The following SPEG variants were observed in gnomAD, a reference collection of about 807,000 sequenced individuals.
SPEG encodes striated muscle enriched protein kinase.
Under a neutral mutation model 300.4 loss-of-function variants are expected in SPEG, and 114 were observed. The observed-to-expected ratio is 0.38, with a 90% CI of 0.33 to 0.44. SPEG has a LOEUF of 0.44. Ranked by LOEUF, SPEG falls within the 20% of genes least tolerant of loss-of-function variation. SPEG has a pLI of 1.00. For synonymous variants in SPEG, 1,964 were observed against 2,018.9 expected, an observed-to-expected ratio of 0.97 and a Z score of 0.73; for missense variants, 4,201 against 4,586.2, an observed-to-expected ratio of 0.92 and a Z score of 2.43.
Position 219,477,116 on chromosome 2 carries a change from G to C in SPEG, c.4560+134G>C. The C allele has an allele frequency of 1.0e-6, 1 of 1,002,962 alleles. No individual in the cohort carries two copies. The highest frequency in any genetic ancestry group is 1.4e-6 in the Non-Finnish European group (1 of 691,658). 62.1% of individuals were successfully genotyped at this position (1,002,962 alleles called of 1,614,324 possible). A position where few individuals can be genotyped will look rare whatever the true frequency, so the allele number is the denominator to read the frequency against. On this transcript the variant is annotated intron_variant, in intron 19 of 40. Transcript: ENST00000312358. The surrounding 1 kb of genome is among the most constrained non-coding windows in gnomAD (Gnocchi z 6.4). ...TAGGAGGAGGAAAGGGGCTGCAGAG[G>C]ACTGACTAGCTGAGGGGTGCAGGGC...
chr2:219,446,094 G>C (rs1029674937), intron 3 of SPEG, among the ~76,000 whole-genome samples: 6 of 151,934 alleles, frequency 3.9e-5, no homozygotes, highest in African/African-American at 1.4e-4. Flanking sequence ...GAAAGAAGGG[G>C]CCTGGTGGGG....
In SPEG at chr2:219,466,756, G is replaced by A; in HGVS notation, c.2882-418G>A. On this transcript the variant is annotated intron_variant, in intron 9 of 40. Transcript: ENST00000312358. ...GGGTGCTCTGTCTGGGAATGAGGGA[G>A]TTAACCAAGTTTGGTGCAGGAGCAG... is the stretch of plus-strand genomic sequence containing the variant. 3 of 1,008,884 alleles carry A rather than the reference G, an allele frequency of 3.0e-6. No homozygotes were observed. The South Asian group carries it at 1.3e-4, about 45-fold the overall frequency. 62.5% of individuals were successfully genotyped at this position (1,008,884 alleles called of 1,614,324 possible).
At position 219,477,678 on chromosome 2, in the gene SPEG, C is replaced by G. The variant is rs1692475041; in HGVS notation, c.4730-11C>G. ...CCCCTCCCACCTAACACCATGACAT[C>G]TCTGCCCCAGCTCAGACAGCTATGG... On this transcript the variant is annotated splice_polypyrimidine_tract_variant and intron_variant, in intron 20 of 40. Transcript: ENST00000312358. The surrounding 1 kb of genome is among the most constrained non-coding windows in gnomAD (Gnocchi z 6.4). The G allele has an allele frequency of 6.4e-7, 1 of 1,559,590 alleles. No homozygotes were observed. Among genetic ancestry groups the G allele is most frequent in the Non-Finnish European group, 8.7e-7 (1 of 1,150,302 alleles).
At position 219,477,384 on chromosome 2, in the gene SPEG, C is replaced by T; in HGVS notation, c.4668C>T (p.Thr1556=). 1 of 1,610,512 alleles carries T rather than the reference C, an allele frequency of 6.2e-7. No homozygotes were observed. Among genetic ancestry groups the T allele is most frequent in the Non-Finnish European group, 8.5e-7 (1 of 1,178,514 alleles). Residue 1556 remains threonine (T), a synonymous_variant, in exon 20 of 41, where the codon ACC becomes ACT. Transcript: ENST00000312358. The surrounding 1 kb of genome is among the most constrained non-coding windows in gnomAD (Gnocchi z 6.4). ...GGGCCCAGGATGGAGGCGTCTACAC[C>T]TGCACCGCCCAGAACCTGGCGGGTG... is the stretch of plus-strand genomic sequence containing the variant. The part of the protein sequence containing the change: ...STGAQDGGVY[T]CTAQNLAGEV...
chr2:219,484,747 C>A lies in SPEG; in HGVS notation c.7284C>A (p.Ala2428=). 6.8e-7 allele frequency: 1 copy of A among 1,468,540 alleles called. No individual in the cohort carries two copies. The highest frequency in any genetic ancestry group is 8.9e-7 in the Non-Finnish European group (1 of 1,121,904). The allele number at this position is 1,468,540 out of a possible 1,614,324, so 91.0% of individuals were successfully genotyped here. Residue 2428 remains alanine (A), a synonymous_variant, in exon 30 of 41, where the codon GCC becomes GCA. Transcript: ENST00000312358. The part of the protein sequence containing the change: ...RRTPPAQRHP[A]WEARGGDGES... ...CCCCTCCCGCGCAGCGCCACCCGGC[C>A]TGGGAGGCCCGCGGCGGGGACGGAG...
intron 6 of SPEG, chr2:219,460,717 G>T: frequency 2.0e-6 from 2 of 985,484 alleles, no homozygotes; most frequent in Non-Finnish European, 2.4e-6. Context: ...GCTGCCTGTG[G>T]TCTCGGCAGG....
intron 1 of SPEG, among the ~76,000 whole-genome samples, chr2:219,438,020 CGGATATGTTAGCTCA>C (rs545271094): frequency 2.2e-4 from 34 of 152,148 alleles, no homozygotes; most frequent in African/African-American, 7.5e-4. Context: ...CTCCTGAAGC[CGGATATGTTAGCTCA>C]AGGATGGAAG....
In SPEG at chr2:219,457,294, G is replaced by A. The variant is rs577519204; in HGVS notation, c.2441-4588G>A. 2.0e-5 allele frequency among the ~76,000 whole-genome samples: 3 copies of A among 152,164 alleles called. No homozygotes were observed. In the South Asian group the frequency reaches 6.2e-4, roughly 32 times the overall value. ...TCAAGAATCATAAGGAGGAAAAACC[G>A]TTTATGGACTGGGTGCCGTGGCTCA... On this transcript the variant is annotated intron_variant, in intron 6 of 40. Transcript: ENST00000312358.
Position 219,485,044 on chromosome 2 carries a change from C to A in SPEG, c.7581C>A (p.Ser2527=). Residue 2527 remains serine, a synonymous_variant, in exon 30 of 41, where the codon TCC becomes TCA. Transcript: ENST00000312358. ...CGCCTTCCGCCGAGTCCCTGGGCTC[C>A]GAGGCCAGCGCCACGTCGGGCTCCT... ...ATTPSAESLG[S]EASATSGSSA... is the part of the protein sequence containing the mutation. 6.5e-7 allele frequency: 1 copy of A among 1,532,504 alleles called. No homozygotes were observed. 94.9% of individuals were successfully genotyped at this position (1,532,504 alleles called of 1,614,324 possible). A position where few individuals can be genotyped will look rare whatever the true frequency, so the allele number is the denominator to read the frequency against.
Position 219,481,246 on chromosome 2 carries a change from A to C in SPEG, c.5370-58A>C. ...CATCTGTCCCCAGCCCTGTGCCCCCACTGACATTCCCCTTTGTCCCCGCCT... is the reference window on the plus strand; with the variant it reads ...CATCTGTCCCCAGCCCTGTGCCCCCCCTGACATTCCCCTTTGTCCCCGCCT... On this transcript the variant is annotated intron_variant, in intron 26 of 40. Transcript: ENST00000312358. This position sits in a 1 kb window ranked among gnomAD's most constrained non-coding sequence, Gnocchi z 5.4. The C allele has an allele frequency of 6.4e-7, 1 of 1,567,188 alleles. No homozygotes were observed.
At chr2:219,492,356 A>G in intron 40 of SPEG, 96 bp downstream of exon 40, 1 of 1,390,028 alleles carries the variant, frequency 7.2e-7, no homozygotes, top group Non-Finnish European at 9.9e-7. Flanking sequence ...TCCTAGGAAG[A>G]AGTCTGCTGC....
chr2:219,447,874 G>A (rs982340276), intron 3 of SPEG, 100 bp from the exon 4 acceptor site: 2 of 1,139,560 alleles, frequency 1.8e-6, no homozygotes, highest in African/African-American at 1.5e-5. Flanking sequence ...TCACCCCCAA[G>A]CCTGCCCAGC....
chr2:219,460,803 C>A (rs1690612960), intron 6 of SPEG: 1 of 986,206 alleles, frequency 1.0e-6, no homozygotes, highest in Non-Finnish European at 1.2e-6. Flanking sequence ...CCTTCCCCTC[C>A]CCCAGGGCCT....
Position 219,449,266 on chromosome 2 carries a change from A to T in SPEG, c.2108A>T (p.Glu703Val). 7.2e-7 allele frequency: 1 copy of T among 1,385,684 alleles called. No individual in the cohort carries two copies. The highest frequency in any genetic ancestry group is 1.7e-5 in the South Asian group (1 of 58,902). 85.8% of individuals were successfully genotyped at this position (1,385,684 alleles called of 1,614,324 possible). A position where few individuals can be genotyped will look rare whatever the true frequency, so the allele number is the denominator to read the frequency against. The change falls in exon 4 of 41, where the codon GAG becomes GTG. Residue 703 changes from glutamate to valine, a missense_variant. Glu to Val is a moderately radical substitution (Grantham distance 121, BLOSUM62 -2). Around this residue, in one of 4 missense-constraint regions of SPEG, gnomAD observed 1,258 missense variants for 1,293.9 expected, o/e 0.97. Coordinates refer to ENST00000312358, the MANE Select transcript of SPEG (RefSeq NM_005876.5). ...KGRRARPTSPELESSDDSYVS... is the reference protein window; with the variant it reads ...KGRRARPTSPVLESSDDSYVS... Reference sequence around the variant, plus strand: ...CGCCGGGCCCGGCCCACCTCCCCTGAGCTCGGTAAGGCCTCAGGGAGGGCT... The same window carrying T: ...CGCCGGGCCCGGCCCACCTCCCCTGTGCTCGGTAAGGCCTCAGGGAGGGCT...
At chr2:219,475,449 G>A (rs985652552) in intron 18 of SPEG, among the ~76,000 whole-genome samples, 2 of 152,322 alleles carry the variant, frequency 1.3e-5, no homozygotes, top group South Asian at 2.1e-4. Flanking sequence ...TCCTAGAGGC[G>A]AGGGGAGGCG....
At chr2:219,466,480 G>A (rs1691372432) in intron 9 of SPEG, 4 of 1,166,158 alleles carry the variant, frequency 3.4e-6, no homozygotes, top group Middle Eastern at 3.6e-4. Context: ...GGTGGGGTGA[G>A]ACAGAGTGGG....
chr2:219,489,473 G>C lies in SPEG; in HGVS notation c.8455G>C (p.Val2819Leu). The C allele has an allele frequency of 6.3e-7, 1 of 1,582,358 alleles. No individual in the cohort carries two copies. Among genetic ancestry groups the C allele is most frequent in the African/African-American group, 1.5e-5 (1 of 64,786 alleles). Reference sequence around the variant, plus strand: ...TGCCCCCACACCCCCGTCAGTCACTGTCAGCCCCTCATCTCCCCCCACACC... The same window carrying C: ...TGCCCCCACACCCCCGTCAGTCACTCTCAGCCCCTCATCTCCCCCCACACC... ...PAAPTPPSVT[V>L]SPSSPPTPPS... is the part of the protein sequence containing the mutation. Residue 2819 changes from valine (V) to leucine (L), a missense_variant, in exon 36 of 41, where the codon GTC becomes CTC. Val to Leu is a conservative substitution (Grantham distance 32). This residue lies in a region of SPEG where 1,578 missense variants were observed against 1,506.0 expected (regional missense o/e 1.05). Transcript: ENST00000312358.
chr2:219,466,662 G>C, intron 9 of SPEG: 1 of 1,001,094 alleles, frequency 1.0e-6, no homozygotes, highest in Non-Finnish European at 1.2e-6. Context: ...CTGATGAACA[G>C]CCTGGCTGAG....
chr2:219,491,658 G>A, intron 38 of SPEG, 136 bp from the exon 39 acceptor site: 1 of 710,850 alleles, frequency 1.4e-6, no homozygotes, highest in Non-Finnish European at 2.5e-6. Flanking sequence ...CTGGCCTTCA[G>A]GGCCTGCCAC....
Sources: gnomAD v4.1 joint callset for allele counts (sites outside exome capture counted in the v4.1 genomes callset) on GRCh38, gnomAD v4.1.1 for gene constraint, gnomAD v4.1.1 regional missense constraint, Gnocchi (gnomAD v3.1) non-coding constraint, MANE v1.5 for transcripts, NCBI Gene and HGNC (gene_info 2026-07-23, HGNC 2026-07-21) for gene names.